Variants in SLC39A11 observed in about 807,000 individuals in gnomAD.
SLC39A11 encodes the protein zinc transporter ZIP11.
A neutral mutation model predicts 36.1 loss-of-function variants in SLC39A11; 33 were observed. The ratio of observed to expected loss-of-function variants is 0.91; its 90% confidence interval spans 0.69 to 1.22. The LOEUF (loss-of-function observed/expected upper bound fraction) is 1.22, where lower values mean the gene tolerates loss of function less well. SLC39A11 is among the 50% of genes most tolerant of loss of function. SLC39A11 has a pLI of 0.00. For missense variants in SLC39A11, 432 were observed against 430.3 expected (o/e 1.00, Z -0.03); for synonymous variants, 166 against 170.3 (o/e 0.97, Z 0.20).
chr17:72,919,121 C>G (rs1333792253), intron 5 of SLC39A11, among the ~76,000 whole-genome samples: 2 of 151,980 alleles, frequency 1.3e-5, no homozygotes, highest in East Asian at 1.9e-4. Flanking sequence ...ACCTCCAAAC[C>G]TGGTTTAATA....
chr17:72,649,106 T>C (rs1173172238), intron 8 of SLC39A11, 64 bp downstream of exon 8: 1 of 1,569,744 alleles, frequency 6.4e-7, no homozygotes, highest in Non-Finnish European at 8.7e-7. Flanking sequence ...CACATCACTG[T>C]TTTGTTGAAA....
At chr17:73,042,291 G>A (rs549401188) in intron 3 of SLC39A11, among the ~76,000 whole-genome samples, 1 of 152,180 alleles carries the variant, frequency 6.6e-6, no homozygotes, top group Non-Finnish European at 1.5e-5. Context: ...CACTTACAAT[G>A]CACTGAATGT....
intron 5 of SLC39A11, among the ~76,000 whole-genome samples, chr17:72,873,810 A>G (rs76419361): frequency 0.044 from 6,695 of 152,102 alleles, 195 homozygotes; most frequent in African/African-American, 0.081. Flanking sequence ...AACAAATCTC[A>G]CTTTGAATTG....
chr17:73,034,887 T>C (rs562504836), intron 3 of SLC39A11, among the ~76,000 whole-genome samples: 8 of 152,170 alleles, frequency 5.3e-5, no homozygotes, highest in Admixed American at 4.6e-4. Flanking sequence ...AGGGAGGGTG[T>C]GTTGGAATTT....
intron 6 of SLC39A11, among the ~76,000 whole-genome samples, chr17:72,742,973 C>T (rs2074773851): frequency 6.6e-6 from 1 of 152,088 alleles, no homozygotes; most frequent in African/African-American, 2.4e-5. Context: ...TTCAAAATGT[C>T]CCCAAAATTT....
At chr17:72,991,156 C>T (rs1310149978) in intron 4 of SLC39A11, among the ~76,000 whole-genome samples, 11 of 152,082 alleles carry the variant, frequency 7.2e-5, no homozygotes, top group African/African-American at 1.4e-4. Context: ...CTTCTCTCTC[C>T]GCACCAATTA....
At chr17:72,940,734 A>T in intron 5 of SLC39A11, among the ~76,000 whole-genome samples, 1 of 152,090 alleles carries the variant, frequency 6.6e-6, no homozygotes, top group East Asian at 1.9e-4. Flanking sequence ...AACAAAGAGA[A>T]CTCCTTTCTC....
chr17:72,679,520 A>G (rs1483675131), intron 7 of SLC39A11, among the ~76,000 whole-genome samples: 1 of 152,240 alleles, frequency 6.6e-6, no homozygotes, highest in East Asian at 1.9e-4. Context: ...GGAGGAAGGC[A>G]GCAGCTATTG....
chr17:72,912,416 C>T (rs1222474362), intron 5 of SLC39A11, among the ~76,000 whole-genome samples: 1 of 151,570 alleles, frequency 6.6e-6, no homozygotes, highest in Admixed American at 6.6e-5. Flanking sequence ...ACATTATTTA[C>T]ATTCTTAGGA....
chr17:72,753,889 C>CAAAAAAAAAAAAAAAAAAAAAA (rs35076559), intron 6 of SLC39A11, among the ~76,000 whole-genome samples: 3 of 51,944 alleles, frequency 5.8e-5, no homozygotes, highest in Non-Finnish European at 7.4e-5. Context: ...AGTCATTATA[C>CAAAAAAAAAAAAAAAAAAAAAA]AAAAAAAAAA....
At chr17:72,926,597 T>C (rs2084061964) in intron 5 of SLC39A11, among the ~76,000 whole-genome samples, 1 of 152,116 alleles carries the variant, frequency 6.6e-6, no homozygotes. Context: ...TTAAACTTGA[T>C]TATAAACCAG....
chr17:72,739,302 C>G (rs997036454), intron 6 of SLC39A11, among the ~76,000 whole-genome samples: 12 of 151,826 alleles, frequency 7.9e-5, no homozygotes, highest in African/African-American at 2.4e-4. Flanking sequence ...AATTTTTGTA[C>G]TTTTAGTAGA....
intron 6 of SLC39A11, among the ~76,000 whole-genome samples, chr17:72,815,953 G>A (rs1254594570): frequency 6.6e-6 from 1 of 152,184 alleles, no homozygotes; most frequent in Non-Finnish European, 1.5e-5. Flanking sequence ...GTGTTTTGTT[G>A]TTGTTGTACC....
At chr17:72,770,155 T>C (rs977317685) in intron 6 of SLC39A11, among the ~76,000 whole-genome samples, 2 of 152,244 alleles carry the variant, frequency 1.3e-5, no homozygotes, top group African/African-American at 4.8e-5. Flanking sequence ...AACTGAGATC[T>C]GTCTCAGATT....
At chr17:72,825,105 G>C (rs2077961941) in intron 6 of SLC39A11, among the ~76,000 whole-genome samples, 1 of 149,708 alleles carries the variant, frequency 6.7e-6, no homozygotes, top group Non-Finnish European at 1.5e-5. Flanking sequence ...GACCTTTGTG[G>C]AAGCCCCTTC....
intron 5 of SLC39A11, among the ~76,000 whole-genome samples, chr17:72,872,694 T>C (rs749822376): frequency 2.6e-5 from 4 of 152,126 alleles, no homozygotes; most frequent in Non-Finnish European, 4.4e-5. Context: ...TTGCCAAAAC[T>C]AACCACCCCC....
intron 7 of SLC39A11, among the ~76,000 whole-genome samples, chr17:72,716,686 G>T (rs2073380672): frequency 6.6e-6 from 1 of 152,138 alleles, no homozygotes; most frequent in South Asian, 2.1e-4. Context: ...AGTGGCCTCA[G>T]AGCCCGGTGT....
intron 4 of SLC39A11, among the ~76,000 whole-genome samples, chr17:73,014,891 A>G (rs1481738237): frequency 2.6e-5 from 4 of 152,024 alleles, no homozygotes; most frequent in East Asian, 1.9e-4. Flanking sequence ...AGCTCTCCCA[A>G]TGCTGTTTCT....
chr17:72,970,086 C>T lies in SLC39A11; in HGVS notation c.307-22211G>A, dbSNP rs563993794. On this transcript the variant is annotated intron_variant, in intron 4 of 9. Coordinates refer to ENST00000255559, the MANE Select transcript of SLC39A11 (RefSeq NM_139177.4). ...TTGTTCCAAAAAAATGTTAATAGTC[C>T]CCAAACCATTTAGACTTTCATCTTT... is the stretch of plus-strand genomic sequence containing the variant. 4.6e-5 allele frequency among the ~76,000 whole-genome samples: 7 copies of T among 152,290 alleles called. No homozygotes were observed. The East Asian group carries it at 1.4e-3, about 29-fold the overall frequency.
Sources: gnomAD v4.1 joint callset for allele counts (sites outside exome capture counted in the v4.1 genomes callset) on GRCh38, gnomAD v4.1.1 for gene constraint, MANE v1.5 for transcripts, NCBI Gene and HGNC (gene_info 2026-07-23, HGNC 2026-07-21) for gene names.